Variants in DSCAM observed in about 807,000 individuals in gnomAD.
DSCAM encodes cell adhesion molecule DSCAM.
DSCAM carries 47 observed loss-of-function variants against 217.7 expected under a neutral mutation model. The ratio of observed to expected loss-of-function variants is 0.22; its 90% CI spans 0.17 to 0.28. The LOEUF (loss-of-function observed/expected upper bound fraction) is 0.28, where lower values mean the gene tolerates loss of function less well. Ranked by LOEUF, DSCAM falls within the 10% of genes least tolerant of loss-of-function variation. DSCAM has a pLI of 1.00. For synonymous variants in DSCAM, 1,056 were observed against 1,015.3 expected, an observed-to-expected ratio of 1.04 and a Z score of -0.76; for missense variants, 2,080 against 2,618.3, an observed-to-expected ratio of 0.79 and a Z score of 4.49.
intron 23 of DSCAM, 151 bp downstream of exon 23, chr21:40,085,451 G>T: frequency 1.7e-6 from 1 of 578,368 alleles, no homozygotes; most frequent in Non-Finnish European, 2.6e-6. Context: ...ATTATATTTT[G>T]CAAAATGAAC....
chr21:40,141,419 A>G (rs1601375978), intron 18 of DSCAM, among the ~76,000 whole-genome samples: 2 of 152,280 alleles, frequency 1.3e-5, no homozygotes, highest in South Asian at 4.1e-4. Context: ...GTTCAAGACC[A>G]GCCTGGCCAA....
chr21:40,330,240 CAT>C (rs1449131146), intron 8 of DSCAM, among the ~76,000 whole-genome samples: 4 of 147,138 alleles, frequency 2.7e-5, no homozygotes, highest in Non-Finnish European at 4.5e-5. Flanking sequence ...CAATACATAA[CAT>C]ATATTTATGC....
At chr21:40,323,208 G>C (rs965599857) in intron 8 of DSCAM, among the ~76,000 whole-genome samples, 3 of 152,034 alleles carry the variant, frequency 2.0e-5, no homozygotes, top group South Asian at 2.1e-4. Flanking sequence ...TTCCCTCCTC[G>C]GTTGTTGATC....
At chr21:40,524,184 G>A (rs7275729) in intron 3 of DSCAM, among the ~76,000 whole-genome samples, 2,306 of 152,122 alleles carry the variant, frequency 0.015, 57 homozygotes, top group African/African-American at 0.048. Context: ...TAGATCATGA[G>A]CAACTTAAAG....
intron 3 of DSCAM, among the ~76,000 whole-genome samples, chr21:40,470,929 G>A (rs1408324234): frequency 6.6e-6 from 1 of 152,184 alleles, no homozygotes; most frequent in African/African-American, 2.4e-5. Flanking sequence ...AATGCCACAT[G>A]TAGAAGACAA....
intron 3 of DSCAM, among the ~76,000 whole-genome samples, chr21:40,647,656 T>C (rs1227091184): frequency 6.6e-6 from 1 of 152,242 alleles, no homozygotes; most frequent in Non-Finnish European, 1.5e-5. Flanking sequence ...ATAAAAACTA[T>C]ATATTATTTG....
intron 3 of DSCAM, among the ~76,000 whole-genome samples, chr21:40,481,590 T>G (rs2075983704): frequency 7.2e-6 from 1 of 138,304 alleles, no homozygotes; most frequent in African/African-American, 2.8e-5. Flanking sequence ...TCAGGAACAA[T>G]GAAATGGACT....
intron 3 of DSCAM, among the ~76,000 whole-genome samples, chr21:40,434,241 C>T (rs1442247294): frequency 6.6e-6 from 1 of 152,142 alleles, no homozygotes; most frequent in East Asian, 1.9e-4. Context: ...TACGTTTAAC[C>T]CTTTCAGCTT....
intron 8 of DSCAM, among the ~76,000 whole-genome samples, chr21:40,329,612 C>CTAAA (rs141438568): frequency 0.028 from 3,751 of 135,144 alleles, 59 homozygotes; most frequent in African/African-American, 0.039. Flanking sequence ...GACTCCGTCT[C>CTAAA]TAAATAAATA....
At chr21:40,621,930 A>C in intron 3 of DSCAM, among the ~76,000 whole-genome samples, 1 of 34,294 alleles carries the variant, frequency 2.9e-5, no homozygotes, top group African/African-American at 9.6e-5. Context: ...AGGGGAAGGA[A>C]AGGAAGGAAG....
At chr21:40,059,370 A>T (rs952649048) in intron 28 of DSCAM, among the ~76,000 whole-genome samples, 1 of 152,238 alleles carries the variant, frequency 6.6e-6, no homozygotes, top group Non-Finnish European at 1.5e-5. Flanking sequence ...AAAATCTTAC[A>T]TAAAAATATA....
intron 3 of DSCAM, among the ~76,000 whole-genome samples, chr21:40,634,212 A>G (rs948922359): frequency 1.3e-5 from 2 of 152,238 alleles, no homozygotes; most frequent in African/African-American, 2.4e-5. Flanking sequence ...GAAAGTTTGA[A>G]AACAATAAGA....
At chr21:40,790,895 G>A (rs775224354) in intron 1 of DSCAM, among the ~76,000 whole-genome samples, 1 of 152,040 alleles carries the variant, frequency 6.6e-6, no homozygotes. Context: ...ACATTCAATC[G>A]GCCAGGTGCA....
rs116473509 is a variant in DSCAM, at chr21:40,394,582, C to T, written c.509-25337G>A. On this transcript the variant is annotated intron_variant, in intron 3 of 32. Transcript: ENST00000400454. ...CTTTTTGCTTCCCTGAGTCTTCAAC[C>T]AAGGCAGGTAAACCAGAAAGAAGTG... Among the ~76,000 whole-genome samples, 1,144 of 152,300 alleles carry T rather than the reference C, an allele frequency of 7.5e-3. 19 individuals are homozygous for T. The highest frequency in any genetic ancestry group is 0.023 in the African/African-American group (968 of 41,554).
chr21:40,556,397 AG>A (rs2076672028), intron 3 of DSCAM, among the ~76,000 whole-genome samples: 1 of 152,248 alleles, frequency 6.6e-6, no homozygotes. Context: ...AGCAAGCTAG[AG>A]AAAAAAACGT....
At chr21:40,602,087 G>T (rs570035824) in intron 3 of DSCAM, among the ~76,000 whole-genome samples, 77 of 132,760 alleles carry the variant, frequency 5.8e-4, no homozygotes, top group African/African-American at 2.3e-3. Flanking sequence ...TTGAGATTGG[G>T]TCTCACTCTG....
chr21:40,142,066 A>T (rs2090298165), intron 18 of DSCAM, among the ~76,000 whole-genome samples: 1 of 150,062 alleles, frequency 6.7e-6, no homozygotes, highest in South Asian at 2.1e-4. Context: ...AACAGGAGAC[A>T]AAACGGGAGG....
intron 3 of DSCAM, among the ~76,000 whole-genome samples, chr21:40,518,599 T>C (rs1313516487): frequency 4.9e-5 from 4 of 81,718 alleles, no homozygotes; most frequent in Admixed American, 1.8e-4. Flanking sequence ...CACACACACA[T>C]ATATACATAC....
intron 3 of DSCAM, among the ~76,000 whole-genome samples, chr21:40,574,252 A>G (rs1429849366): frequency 6.6e-6 from 1 of 152,222 alleles, no homozygotes; most frequent in Non-Finnish European, 1.5e-5. Context: ...ATTGGATGCT[A>G]TAAACTTAAA....
Sources: allele counts gnomAD v4.1 joint callset (sites outside exome capture counted in the v4.1 genomes callset), GRCh38; gene constraint gnomAD v4.1.1; transcripts MANE v1.5; gene names NCBI Gene and HGNC (gene_info 2026-07-23, HGNC 2026-07-21).